ZNF605: variants seen among roughly 807,000 people sequenced by gnomAD.
ZNF605 encodes the protein zinc finger protein 605.
In ZNF605, 9 loss-of-function variants were observed where a neutral mutation model predicts 7.9. The observed-to-expected ratio is 1.14, with a 90% CI of 0.68 to 1.98. The LOEUF (loss-of-function observed/expected upper bound fraction) is 1.98, where lower values mean the gene tolerates loss of function less well. Ranked by LOEUF, ZNF605 falls within the 30% of genes most tolerant of loss-of-function variation. The pLI is 0.00. For synonymous variants in ZNF605, 255 were observed against 260.1 expected, an observed-to-expected ratio of 0.98 and a Z score of 0.19; for missense variants, 673 against 762.4, an observed-to-expected ratio of 0.88 and a Z score of 1.38.
intron 3 of ZNF605, among the ~76,000 whole-genome samples, chr12:132,940,484 T>C (rs1318295968): frequency 2.0e-5 from 3 of 152,184 alleles, no homozygotes; most frequent in Non-Finnish European, 4.4e-5. Context: ...GTACTGTGGA[T>C]GCTACAGGAC....
At chr12:132,951,547 TACAC>T (rs1376332998) in intron 1 of ZNF605, among the ~76,000 whole-genome samples, 3 of 143,994 alleles carry the variant, frequency 2.1e-5, no homozygotes, top group Non-Finnish European at 4.6e-5. Context: ...CACACACACA[TACAC>T]ACACTGATGC....
chr12:132,936,181 G>A (rs1952364825), intron 3 of ZNF605, among the ~76,000 whole-genome samples: 1 of 151,574 alleles, frequency 6.6e-6, no homozygotes, highest in African/African-American at 2.4e-5. Flanking sequence ...GTTAATGAAA[G>A]TACGAAAAAT....
In ZNF605 at chr12:132,941,067, A is replaced by G. The variant is rs1952434584; in HGVS notation, c.15+4554T>C. Among the ~76,000 whole-genome samples the G allele has an allele frequency of 6.6e-6, 1 of 152,148 alleles. No individual in the cohort carries two copies. The highest frequency in any genetic ancestry group is 1.5e-5 in the Non-Finnish European group (1 of 68,018). ...GCTCCTAAGAAGCATTTTGTTACCC[A>G]TACGGGTGCTCACCAAAAAGACTCC... On this transcript the variant is annotated intron_variant, in intron 3 of 4. Coordinates refer to ENST00000360187, the MANE Select transcript of ZNF605 (RefSeq NM_183238.4). The surrounding 1 kb of genome is among the most constrained non-coding windows in gnomAD (Gnocchi z 5.1).
chr12:132,925,281 C>A lies in ZNF605; in HGVS notation c.*92G>T. The A allele has an allele frequency of 1.1e-6, 1 of 914,484 alleles. No individual in the cohort carries two copies. The highest frequency in any genetic ancestry group is 2.6e-5 in the East Asian group (1 of 38,762). 56.6% of individuals were successfully genotyped at this position (914,484 alleles called of 1,614,324 possible). On this transcript the variant is annotated 3_prime_UTR_variant, in exon 5 of 5. Coordinates refer to ENST00000360187, the MANE Select transcript of ZNF605 (RefSeq NM_183238.4). ...CAAGCTTTTTCAACAGTCACTGCCT[C>A]AATAGGGTTTCTCTCCCACATGCAT... is the stretch of plus-strand genomic sequence containing the variant.
chr12:132,931,459 G>C (rs1466665600), intron 4 of ZNF605, among the ~76,000 whole-genome samples: 2 of 152,184 alleles, frequency 1.3e-5, no homozygotes, highest in Non-Finnish European at 2.9e-5. Flanking sequence ...TACGTGGATA[G>C]AGATTTCAGA....
intron 1 of ZNF605, among the ~76,000 whole-genome samples, chr12:132,954,918 T>A (rs759558390): frequency 1.3e-5 from 2 of 152,020 alleles, no homozygotes; most frequent in Non-Finnish European, 2.9e-5. Context: ...AATGCTTCCA[T>A]CATAAGATCC....
chr12:132,951,066 CAT>C lies in ZNF605; in HGVS notation c.-285-2798_-285-2797del, dbSNP rs767784617. 1.0e-3 allele frequency among the ~76,000 whole-genome samples: 157 copies of C among 151,920 alleles called. 1 individual carries two copies. Among genetic ancestry groups the C allele is most frequent in the African/African-American group, 3.6e-3 (149 of 41,390 alleles). ...TACACACAGATACATCATACACAGA[CAT>C]GTACACACACTGATACGTACATCAC... is the stretch of plus-strand genomic sequence containing the variant. On this transcript the variant is annotated intron_variant, in intron 1 of 4. Transcript: ENST00000360187.
In ZNF605 at chr12:132,944,222, A is replaced by C. The variant is rs369235619; in HGVS notation, c.15+1399T>G. 7.2e-4 allele frequency among the ~76,000 whole-genome samples: 95 copies of C among 132,748 alleles called. 1 individual carries two copies. Among genetic ancestry groups the C allele is most frequent in the African/African-American group, 2.6e-3 (87 of 33,416 alleles). The allele number at this position is 132,748 out of a possible 152,430, so 87.1% of individuals were successfully genotyped here. On this transcript the variant is annotated intron_variant, in intron 3 of 4. Transcript: ENST00000360187. ...TGGAGTAGCTATCCTTTATTCCTTT[A>C]CTTTTTTTTTTTTGAGACGGCGTCT...
intron 3 of ZNF605, among the ~76,000 whole-genome samples, chr12:132,939,251 T>C (rs1952405538): frequency 6.6e-6 from 1 of 152,184 alleles, no homozygotes; most frequent in East Asian, 1.9e-4. Context: ...TCTTTATATC[T>C]AGCTCAGGGA....
chr12:132,930,189 C>T (rs1341206741), intron 4 of ZNF605, among the ~76,000 whole-genome samples: 1 of 152,162 alleles, frequency 6.6e-6, no homozygotes, highest in African/African-American at 2.4e-5. Flanking sequence ...TGCCAGCATA[C>T]CTGGCTAATT....
intron 2 of ZNF605, among the ~76,000 whole-genome samples, chr12:132,946,442 T>C (rs1032847212): frequency 5.9e-5 from 9 of 152,198 alleles, no homozygotes; most frequent in African/African-American, 2.2e-4. Context: ...CTACAGCAGA[T>C]GGGAGCCAGA....
chr12:132,939,247 T>C (rs1461407570), intron 3 of ZNF605, among the ~76,000 whole-genome samples: 1 of 152,196 alleles, frequency 6.6e-6, no homozygotes, highest in East Asian at 1.9e-4. Context: ...AGAGTCTTTA[T>C]ATCTAGCTCA....
chr12:132,938,754 G>A (rs1281433565), intron 3 of ZNF605, among the ~76,000 whole-genome samples: 2 of 152,194 alleles, frequency 1.3e-5, no homozygotes, highest in Non-Finnish European at 2.9e-5. Context: ...GGTGTGGAGG[G>A]AGAGGCACGA....
Position 132,925,475 on chromosome 12 carries a change from C to T in ZNF605, c.1824G>A (p.Gln608=), listed in dbSNP as rs1952237657. The T allele has an allele frequency of 6.2e-7, 1 of 1,614,046 alleles. No homozygotes were observed. The highest frequency in any genetic ancestry group is 8.5e-7 in the Non-Finnish European group (1 of 1,180,034). Residue 608 remains glutamine (Q), a synonymous_variant, in exon 5 of 5, where the codon CAG becomes CAA. Coordinates refer to ENST00000360187, the MANE Select transcript of ZNF605 (RefSeq NM_183238.4). ...AGTATTTATCTCCTGTATGAATCCT[C>T]TGATGCCTCATAAGGTGTGACTTTC... ...FTRKSHLMRH[Q]RIHTGDKYYG... is the part of the protein sequence containing the mutation.
At position 132,921,617 on chromosome 12, in the gene ZNF605, C is replaced by T. The variant is rs1449668714; in HGVS notation, c.*3756G>A. The stretch of plus-strand genomic sequence containing the variant: ...CCTAAAAGATCAGAGCAGAGTGATA[C>T]ACAAGTTTATTAACACAGACTACAA... On this transcript the variant is annotated 3_prime_UTR_variant, in exon 5 of 5. Coordinates refer to ENST00000360187, the MANE Select transcript of ZNF605 (RefSeq NM_183238.4). 3 of 152,208 alleles carry T rather than the reference C, an allele frequency of 2.0e-5. No homozygotes were observed. Among genetic ancestry groups the T allele is most frequent in the African/African-American group, 7.2e-5 (3 of 41,454 alleles). The allele number at this position is 152,208 out of a possible 1,614,324, so 9.4% of individuals were successfully genotyped here.
chr12:132,954,171 A>G (rs575901829), intron 1 of ZNF605, among the ~76,000 whole-genome samples: 3,293 of 151,172 alleles, frequency 0.022, 53 homozygotes, highest in Middle Eastern at 0.041. Flanking sequence ...TACAGGCCCA[A>G]CTGATGACTG....
intron 1 of ZNF605, among the ~76,000 whole-genome samples, chr12:132,954,789 G>A (rs1217969298): frequency 1.3e-5 from 2 of 151,874 alleles, no homozygotes; most frequent in African/African-American, 2.4e-5. Flanking sequence ...TGCCGATCCC[G>A]CAGGCCCCTC....
At position 132,941,545 on chromosome 12, in the gene ZNF605, T is replaced by C. The variant is rs1019552378; in HGVS notation, c.15+4076A>G. Among the ~76,000 whole-genome samples the C allele has an allele frequency of 2.2e-4, 34 of 152,228 alleles. No individual in the cohort carries two copies. The highest frequency in any genetic ancestry group is 7.2e-4 in the African/African-American group (30 of 41,550). On this transcript the variant is annotated intron_variant, in intron 3 of 4. Coordinates refer to ENST00000360187, the MANE Select transcript of ZNF605 (RefSeq NM_183238.4). The surrounding 1 kb of genome is among the most constrained non-coding windows in gnomAD (Gnocchi z 5.1). ...AGCCCCAGTCCAAACTACACATCAA[T>C]AGGCCCAATCATGGGGCGTCTGAGG...
rs978375185 is a variant in ZNF605, at chr12:132,921,901, C to T, written c.*3472G>A. The T allele has an allele frequency of 6.6e-6, 1 of 152,134 alleles. No homozygotes were observed. Among genetic ancestry groups the T allele is most frequent in the African/African-American group, 2.4e-5 (1 of 41,430 alleles). The allele number at this position is 152,134 out of a possible 1,614,324, so 9.4% of individuals were successfully genotyped here. A position where few individuals can be genotyped will look rare whatever the true frequency, so the allele number is the denominator to read the frequency against. On this transcript the variant is annotated 3_prime_UTR_variant, in exon 5 of 5. Transcript: ENST00000360187. ...CCCTCTGCTGGGCCTCTTTGGCAGT[C>T]GACTTCAACTTAATGCATTAGCGCC...
Sources: allele counts gnomAD v4.1 joint callset (sites outside exome capture counted in the v4.1 genomes callset), GRCh38; gene constraint gnomAD v4.1.1; non-coding constraint Gnocchi (gnomAD v3.1); transcripts MANE v1.5; gene names NCBI Gene and HGNC (gene_info 2026-07-23, HGNC 2026-07-21).